Variants in CCSER1 observed in about 807,000 individuals in gnomAD.
CCSER1 encodes the protein serine-rich coiled-coil domain-containing protein 1.
CCSER1 carries 41 observed loss-of-function variants against 82.0 expected under a neutral mutation model. That is an observed-to-expected ratio of 0.50 (90% confidence interval 0.39 to 0.65). The LOEUF (loss-of-function observed/expected upper bound fraction) is 0.65. Ranked by LOEUF, CCSER1 falls within the 30% of genes least tolerant of loss-of-function variation. The probability of loss-of-function intolerance (pLI) is 0.00; values close to 1 mark genes in which losing one functional copy is unlikely to be tolerated. For missense variants in CCSER1, 1,119 were observed against 1,064.2 expected, an observed-to-expected ratio of 1.05 and a Z score of -0.72; for synonymous variants, 414 against 383.9, an observed-to-expected ratio of 1.08 and a Z score of -0.92.
At chr4:90,367,402 A>G (rs1171931150) in intron 3 of CCSER1, among the ~76,000 whole-genome samples, 1 of 151,938 alleles carries the variant, frequency 6.6e-6, no homozygotes, top group Non-Finnish European at 1.5e-5. Flanking sequence ...TGAAATAATA[A>G]TAATAACATT....
chr4:91,458,238 A>T (rs2149427562), intron 10 of CCSER1, among the ~76,000 whole-genome samples: 1 of 152,230 alleles, frequency 6.6e-6, no homozygotes, highest in South Asian at 2.1e-4. Context: ...TACCAGCACT[A>T]CTTATTAAAG....
intron 5 of CCSER1, among the ~76,000 whole-genome samples, chr4:90,534,381 G>A (rs1037427747): frequency 1.8e-4 from 28 of 151,752 alleles, no homozygotes; most frequent in African/African-American, 6.5e-4. Context: ...CGCCCGCCTC[G>A]GCCTCCCGAA....
intron 5 of CCSER1, among the ~76,000 whole-genome samples, chr4:90,600,643 T>G (rs1783927648): frequency 6.6e-6 from 1 of 152,086 alleles, no homozygotes. Flanking sequence ...GTCTTGAAAT[T>G]AAGTAGCACT....
At chr4:90,763,626 T>TGGCTCTGCCCGTTTATGTCCCAC (rs1750744454) in intron 7 of CCSER1, among the ~76,000 whole-genome samples, 1 of 152,144 alleles carries the variant, frequency 6.6e-6, no homozygotes, top group Non-Finnish European at 1.5e-5. Flanking sequence ...TTAAGTCCCA[T>TGGCTCTGCCCGTTTATGTCCCAC]GGCTCTGCCC....
chr4:91,285,462 T>TA (rs1743210227), intron 10 of CCSER1, among the ~76,000 whole-genome samples: 1 of 151,880 alleles, frequency 6.6e-6, no homozygotes, highest in Middle Eastern at 3.2e-3. Context: ...GAATTAAACT[T>TA]ACCTTTTGCT....
In CCSER1 at chr4:91,013,025, G is replaced by T. The variant is rs925100083; in HGVS notation, c.2173-72925G>T. Among the ~76,000 whole-genome samples, 8 of 134,026 alleles carry T rather than the reference G, an allele frequency of 6.0e-5. 1 individual carries two copies. The highest frequency in any genetic ancestry group is 2.0e-4 in the African/African-American group (8 of 40,264). The allele number at this position is 134,026 out of a possible 152,430, so 87.9% of individuals were successfully genotyped here. ...TATACATGGCTTTCCTTTCTCTCCAGGGTTTCTGATACTCCTTTGATGTAC... is the reference window on the plus strand; with the variant it reads ...TATACATGGCTTTCCTTTCTCTCCATGGTTTCTGATACTCCTTTGATGTAC... On this transcript the variant is annotated intron_variant, in intron 9 of 10. Transcript: ENST00000509176.
chr4:90,731,931 TG>T lies in CCSER1; in HGVS notation c.2010+7944del, dbSNP rs368543386. On this transcript the variant is annotated intron_variant, in intron 7 of 10. Transcript: ENST00000509176. ...GGTACAGTCAGACTGAGGTTGAGAA[TG>T]GGGTCATCTGAAGGCTCAGGTGAGG... Among the ~76,000 whole-genome samples, 20 of 152,200 alleles carry T rather than the reference TG, an allele frequency of 1.3e-4. No individual in the cohort carries two copies. In the South Asian group the frequency reaches 2.9e-3, roughly 22 times the overall value.
intron 10 of CCSER1, among the ~76,000 whole-genome samples, chr4:91,591,401 TAATTA>T (rs1764264899): frequency 1.3e-5 from 2 of 152,092 alleles, no homozygotes; most frequent in Non-Finnish European, 2.9e-5. Context: ...TATTTGTAAT[TAATTA>T]AATTAATATA....
intron 5 of CCSER1, among the ~76,000 whole-genome samples, chr4:90,500,003 A>G (rs1769612997): frequency 6.6e-6 from 1 of 152,198 alleles, no homozygotes; most frequent in Non-Finnish European, 1.5e-5. Context: ...AAGAAGAGAA[A>G]TTTAAAAGTA....
At chr4:90,476,156 C>A (rs927941646) in intron 5 of CCSER1, among the ~76,000 whole-genome samples, 1 of 152,088 alleles carries the variant, frequency 6.6e-6, no homozygotes, top group Non-Finnish European at 1.5e-5. Flanking sequence ...GCCTTTAGAT[C>A]TGGGCACTCA....
chr4:91,540,406 AGTT>A lies in CCSER1; in HGVS notation c.2218-58162_2218-58160del, dbSNP rs527274367. ...GTGTACTCTTTGCCTATTTTAATTG[AGTT>A]GTTTTCTTATTGTTTAATGCTAAGA... is the stretch of plus-strand genomic sequence containing the variant. On this transcript the variant is annotated intron_variant, in intron 10 of 10. Coordinates refer to ENST00000509176, the MANE Select transcript of CCSER1 (RefSeq NM_001145065.2). 4.2e-3 allele frequency among the ~76,000 whole-genome samples: 633 copies of A among 152,136 alleles called. 6 individuals carry two copies. Among genetic ancestry groups the A allele is most frequent in the African/African-American group, 0.015 (603 of 41,534 alleles).
At chr4:90,224,537 A>AT (rs1742767782) in intron 1 of CCSER1, among the ~76,000 whole-genome samples, 1 of 152,268 alleles carries the variant, frequency 6.6e-6, no homozygotes, top group Non-Finnish European at 1.5e-5. Context: ...ATTATAACAT[A>AT]TTTTTTCTTT....
At chr4:90,267,913 A>G (rs1384634757) in intron 1 of CCSER1, among the ~76,000 whole-genome samples, 1 of 152,192 alleles carries the variant, frequency 6.6e-6, no homozygotes, top group Admixed American at 6.5e-5. Context: ...GAATAGAAAC[A>G]AATAACCTAC....
chr4:90,151,180 C>T lies in CCSER1; in HGVS notation c.-42+23349C>T, dbSNP rs115654566. Among the ~76,000 whole-genome samples the T allele has an allele frequency of 1.5e-3, 232 of 151,822 alleles. 2 individuals carry two copies. The highest frequency in any genetic ancestry group is 5.4e-3 in the African/African-American group (223 of 41,430). The stretch of plus-strand genomic sequence containing the variant: ...CACTTTCAAATGTACCTAAGAAAAT[C>T]GTACTTATACAAAATGAAATGATAG... On this transcript the variant is annotated intron_variant, in intron 1 of 10. Transcript: ENST00000509176.
chr4:90,407,107 G>A (rs1025135583), intron 4 of CCSER1, among the ~76,000 whole-genome samples: 1 of 152,118 alleles, frequency 6.6e-6, no homozygotes, highest in Admixed American at 6.5e-5. Flanking sequence ...AAAATTGATA[G>A]ACCATTAGCG....
At chr4:90,153,283 CATT>C (rs1334201554) in intron 1 of CCSER1, among the ~76,000 whole-genome samples, 1 of 152,024 alleles carries the variant, frequency 6.6e-6, no homozygotes, top group Non-Finnish European at 1.5e-5. Flanking sequence ...TCCAGTCTAT[CATT>C]GTTGGACATT....
intron 5 of CCSER1, among the ~76,000 whole-genome samples, chr4:90,535,087 A>G (rs1316279535): frequency 1.3e-5 from 2 of 152,296 alleles, no homozygotes; most frequent in South Asian, 2.1e-4. Context: ...ATTAACTACC[A>G]AATTCTTTTT....
intron 10 of CCSER1, among the ~76,000 whole-genome samples, chr4:91,536,611 CT>C (rs1266573344): frequency 1.3e-5 from 2 of 152,082 alleles, no homozygotes; most frequent in Non-Finnish European, 2.9e-5. Context: ...TAATTTATTG[CT>C]TTGGCACCCA....
At chr4:90,137,414 C>T (rs1032119907) in intron 1 of CCSER1, among the ~76,000 whole-genome samples, 4 of 151,966 alleles carry the variant, frequency 2.6e-5, no homozygotes, top group Non-Finnish European at 5.9e-5. Context: ...CGTTGATTAT[C>T]GGGACAATAT....
Sources: allele counts gnomAD v4.1 joint callset (sites outside exome capture counted in the v4.1 genomes callset), GRCh38; gene constraint gnomAD v4.1.1; transcripts MANE v1.5; gene names NCBI Gene and HGNC (gene_info 2026-07-23, HGNC 2026-07-21).